Variants in FBN3 observed in about 807,000 individuals in gnomAD.
FBN3 encodes fibrillin-3.
In FBN3, 234 loss-of-function variants were observed where a neutral mutation model predicts 330.1. That is an observed-to-expected ratio of 0.71 (90% CI 0.64 to 0.79). The LOEUF (loss-of-function observed/expected upper bound fraction) is 0.79, where lower values mean the gene tolerates loss of function less well. Among genes scored for constraint, FBN3 ranks in the 30% least tolerant of loss-of-function variants. The probability of loss-of-function intolerance (pLI) is 0.00; values close to 1 mark genes in which losing one functional copy is unlikely to be tolerated. For missense variants in FBN3, 3,606 were observed against 3,886.9 expected, an observed-to-expected ratio of 0.93 and a Z score of 1.92; for synonymous variants, 1,458 against 1,517.3, an observed-to-expected ratio of 0.96 and a Z score of 0.91.
chr19:8,140,921 G>A (rs150921025), intron 8 of FBN3, among the ~76,000 whole-genome samples: 2,884 of 152,152 alleles, frequency 0.019, 65 homozygotes, highest in African/African-American at 0.053. Flanking sequence ...AGCCGGGCGC[G>A]GTGGCTCACG....
intron 13 of FBN3, 125 bp downstream of exon 13, chr19:8,135,836 G>T: frequency 1.9e-6 from 2 of 1,063,870 alleles, no homozygotes; most frequent in Non-Finnish European, 2.7e-6. Context: ...TGGGTTCAGA[G>T]GTGAGCAGAG....
chr19:8,091,614 G>T, intron 47 of FBN3, 24 bp from the exon 48 acceptor site: 1 of 1,612,680 alleles, frequency 6.2e-7, no homozygotes. Context: ...GACATGAGCT[G>T]GGTGGGGGGC....
At position 8,097,365 on chromosome 19, in the gene FBN3, G is replaced by A. The variant is rs192686889; in HGVS notation, c.5211C>T (p.Cys1737=). 46 of 1,608,546 alleles carry A rather than the reference G, an allele frequency of 2.9e-5. No individual in the cohort carries two copies. In the Admixed American group the frequency reaches 5.0e-4, roughly 18 times the overall value. The change falls in exon 42 of 64, where the codon TGC becomes TGT. Residue 1737 remains cysteine (C), a synonymous_variant. Transcript: ENST00000600128. ...AGCGGAAACTCCCGATCTGGTTTATGCAGATGCCATTGGCACAGATGGCGG... is the reference window on the plus strand; with the variant it reads ...AGCGGAAACTCCCGATCTGGTTTATACAGATGCCATTGGCACAGATGGCGG... ...EIPAICANGI[C]INQIGSFRCE...
chr19:8,107,968 G>A (rs1382003090), intron 37 of FBN3, among the ~76,000 whole-genome samples: 2 of 152,004 alleles, frequency 1.3e-5, no homozygotes, highest in Admixed American at 1.3e-4. Flanking sequence ...ACCAACAAGT[G>A]GAAGAAATGG....
intron 38 of FBN3, among the ~76,000 whole-genome samples, chr19:8,105,371 C>T (rs1334657463): frequency 6.6e-6 from 1 of 151,902 alleles, no homozygotes; most frequent in Non-Finnish European, 1.5e-5. Flanking sequence ...GATCCTCCTG[C>T]CTCAGCCTCC....
intron 6 of FBN3, among the ~76,000 whole-genome samples, chr19:8,143,819 C>CTTGT (rs2083472130): frequency 8.5e-6 from 1 of 117,632 alleles, no homozygotes; most frequent in Non-Finnish European, 1.9e-5. Context: ...TTCTTTCTTT[C>CTTGT]TTTTTTTTTT....
chr19:8,071,474 G>A (rs76261579), intron 63 of FBN3, among the ~76,000 whole-genome samples: 8,740 of 152,226 alleles, frequency 0.057, 333 homozygotes, highest in Non-Finnish European at 0.082. Flanking sequence ...GGTCCCCAGA[G>A]AAAAGACTCA....
At chr19:8,085,823 C>T (rs182409752) in intron 55 of FBN3, among the ~76,000 whole-genome samples, 2 of 151,896 alleles carry the variant, frequency 1.3e-5, no homozygotes, top group Admixed American at 1.3e-4. Context: ...GGGAGCGTCC[C>T]GCTCTTCCAG....
intron 62 of FBN3, 97 bp downstream of exon 62, chr19:8,072,966 C>CGTGGGT: frequency 1.6e-6 from 1 of 643,270 alleles, no homozygotes; most frequent in Non-Finnish European, 2.7e-6. Context: ...CACAAAGCCC[C>CGTGGGT]GTGTGTGTGT....
intron 47 of FBN3, 36 bp downstream of exon 47, chr19:8,094,410 C>T (rs1382727103): frequency 1.9e-6 from 3 of 1,582,528 alleles, no homozygotes; most frequent in East Asian, 2.3e-5. Context: ...GAGGCACTCC[C>T]TGGCGCCAGA....
rs200598082 is a variant in FBN3 at position 8,130,595 on chromosome 19, A to G, written c.2044+640T>C. ...AAGAAAGAAAGAATGAAAGAAAGAA[A>G]GAAAGAAAGAAAGAAAGAAAGAAAG... On this transcript the variant is annotated intron_variant, in intron 16 of 63. Coordinates refer to ENST00000600128, the MANE Select transcript of FBN3 (RefSeq NM_032447.5). Among the ~76,000 whole-genome samples the G allele has an allele frequency of 2.4e-3, 33 of 13,632 alleles. 4 individuals carry two copies. Among genetic ancestry groups the G allele is most frequent in the South Asian group, 4.6e-3 (2 of 436 alleles). 8.9% of individuals were successfully genotyped at this position (13,632 alleles called of 152,430 possible).
intron 25 of FBN3, among the ~76,000 whole-genome samples, chr19:8,120,599 C>T (rs1464418165): frequency 6.6e-6 from 1 of 152,082 alleles, no homozygotes; most frequent in Admixed American, 6.6e-5. Context: ...AGGGATCCTC[C>T]CTCCTCAGCC....
intron 41 of FBN3, among the ~76,000 whole-genome samples, chr19:8,099,707 G>A (rs371059653): frequency 6.6e-6 from 1 of 151,826 alleles, no homozygotes; most frequent in Admixed American, 6.6e-5. Context: ...TATGCAATAC[G>A]TTGTTAAAAA....
rs1019119506 is a variant in FBN3 at position 8,087,360 on chromosome 19, C to A, written c.6620-149G>T. ...TCTATCCCTCTTAGGAAGGGAGCCC[C>A]CAGCTCCTGCCCAGCCCCAGCCTCC... On this transcript the variant is annotated intron_variant, in intron 53 of 63. Coordinates refer to ENST00000600128, the MANE Select transcript of FBN3 (RefSeq NM_032447.5). 29 of 855,434 alleles carry A rather than the reference C, an allele frequency of 3.4e-5. No individual in the cohort carries two copies. The South Asian group carries it at 3.5e-4, about 10-fold the overall frequency. 53.0% of individuals were successfully genotyped at this position (855,434 alleles called of 1,614,324 possible).
chr19:8,133,096 C>T lies in FBN3; in HGVS notation c.1602G>A (p.Glu534=). 5 of 1,576,688 alleles carry T rather than the reference C, an allele frequency of 3.2e-6. No homozygotes were observed. The highest frequency in any genetic ancestry group is 3.3e-4 in the Middle Eastern group (2 of 6,020). ...PDGKNCVDHN[E]CATSTMCVNG... is the part of the protein sequence containing the mutation. The stretch of plus-strand genomic sequence containing the variant: ...TGACGCACATGGTGCTGGTGGCACA[C>T]TCGTTGTGGTCTGGGGACAACAGCA... Residue 534 remains glutamate, a synonymous_variant, in exon 14 of 64, where the codon GAG becomes GAA. Transcript: ENST00000600128.
rs2082189717 is a variant in FBN3 at position 8,095,473 on chromosome 19, T to A, written c.5687A>T (p.Gln1896Leu). ...DFDECTTLVGQVCRFGHCLNT... is the reference protein window; with the variant it reads ...DFDECTTLVGLVCRFGHCLNT... ...GAGGCAATGGCCAAATCGGCACACC[T>A]GCCCCACCAGGGTAGTACACTCATC... The change falls in exon 46 of 64, where the codon CAG becomes CTG. Residue 1896 changes from glutamine (Q) to leucine (L), a missense_variant. Physicochemically the swap from Gln to Leu is moderately radical, Grantham distance 113 (BLOSUM62 -2). Coordinates refer to ENST00000600128, the MANE Select transcript of FBN3 (RefSeq NM_032447.5). 6.2e-7 allele frequency: 1 copy of A among 1,613,542 alleles called. No homozygotes were observed. Among genetic ancestry groups the A allele is most frequent in the Non-Finnish European group, 8.5e-7 (1 of 1,179,704 alleles).
intron 24 of FBN3, among the ~76,000 whole-genome samples, chr19:8,122,778 C>G (rs111931134): frequency 0.068 from 10,377 of 151,850 alleles, 454 homozygotes; most frequent in Middle Eastern, 0.12. Context: ...CATTCTCCTG[C>G]CTCAGCCTCC....
chr19:8,117,964 AC>A (rs1364420445), intron 26 of FBN3, among the ~76,000 whole-genome samples: 1 of 151,510 alleles, frequency 6.6e-6, no homozygotes, highest in Non-Finnish European at 1.5e-5. Flanking sequence ...AAATACACTC[AC>A]CCATGTGTAA....
At position 8,102,816 on chromosome 19, in the gene FBN3, G is replaced by T; in HGVS notation, c.4997C>A (p.Ala1666Asp). 1 of 1,614,048 alleles carries T rather than the reference G, an allele frequency of 6.2e-7. No homozygotes were observed. Among genetic ancestry groups the T allele is most frequent in the Non-Finnish European group, 8.5e-7 (1 of 1,179,980 alleles). The change falls in exon 40 of 64, where the codon GCC (alanine) becomes GAC (aspartate). Residue 1666 changes from alanine (A) to aspartate (D), a missense_variant. Transcript: ENST00000600128. ...ACACATTTTCCGGGTCACGTTGAAG[G>T]CCAGCTCATTTTGACATGTGCCGTT... is the stretch of plus-strand genomic sequence containing the variant. ...HYNGTCQNEL[A>D]FNVTRKMCCC... is the part of the protein sequence containing the mutation.
Sources: allele counts gnomAD v4.1 joint callset (sites outside exome capture counted in the v4.1 genomes callset), GRCh38; gene constraint gnomAD v4.1.1; transcripts MANE v1.5; gene names NCBI Gene and HGNC (gene_info 2026-07-23, HGNC 2026-07-21).